The following TP63 variants were observed in gnomAD, a reference collection of about 807,000 sequenced individuals.
The protein encoded by TP63 is tumor protein 63.
In TP63, 17 loss-of-function variants were observed where a neutral mutation model predicts 82.8. The observed-to-expected ratio is 0.21, with a 90% CI of 0.14 to 0.31. TP63 has a LOEUF of 0.31. TP63 is among the 10% of genes least tolerant of loss of function. The pLI, the probability that TP63 is intolerant of heterozygous loss-of-function variation, is 1.00. For synonymous variants in TP63, 330 were observed against 321.7 expected, an observed-to-expected ratio of 1.03 and a Z score of -0.28; for missense variants, 648 against 895.3, an observed-to-expected ratio of 0.72 and a Z score of 3.52.
At chr3:189,624,970 T>C in the TP63 span, among the ~76,000 whole-genome samples, 2 of 152,148 alleles carry the variant, frequency 1.3e-5, no homozygotes, top group Non-Finnish European at 1.5e-5. Flanking sequence ...ACTAAAAGTA[T>C]TCCCTATTCA....
chr3:189,675,981 A>G (rs1039014201), intron 1 of TP63, among the ~76,000 whole-genome samples: 2 of 152,158 alleles, frequency 1.3e-5, no homozygotes, highest in Non-Finnish European at 2.9e-5. Flanking sequence ...GAACCCTTTG[A>G]AAAACCATTA....
intron 9 of TP63, among the ~76,000 whole-genome samples, chr3:189,870,461 G>C (rs1444411003): frequency 6.6e-6 from 1 of 151,988 alleles, no homozygotes; most frequent in Non-Finnish European, 1.5e-5. Flanking sequence ...ATATGCATAG[G>C]TTACGTGCAA....
At chr3:189,830,723 G>A (rs1004548062) in intron 4 of TP63, among the ~76,000 whole-genome samples, 3 of 152,052 alleles carry the variant, frequency 2.0e-5, no homozygotes, top group African/African-American at 7.2e-5. Flanking sequence ...ACAAATAAAG[G>A]CCCATAATTA....
intron 4 of TP63, among the ~76,000 whole-genome samples, chr3:189,841,711 A>G (rs1186929506): frequency 2.0e-5 from 3 of 152,228 alleles, no homozygotes; most frequent in Admixed American, 6.5e-5. Context: ...GTTAGGAATG[A>G]TGCAACCTTC....
chr3:189,657,750 C>T (rs1323810907), intron 1 of TP63, among the ~76,000 whole-genome samples: 2 of 151,936 alleles, frequency 1.3e-5, no homozygotes, highest in Non-Finnish European at 2.9e-5. Context: ...TTATGTTTAC[C>T]TTGTATTAGA....
At chr3:189,696,399 T>A (rs1717382608) in intron 1 of TP63, among the ~76,000 whole-genome samples, 1 of 152,204 alleles carries the variant, frequency 6.6e-6, no homozygotes. Flanking sequence ...CTATTATTGC[T>A]GAAAATATTC....
chr3:189,682,548 AAAAAAATAT>A (rs1241991205), intron 1 of TP63, among the ~76,000 whole-genome samples: 31 of 48,884 alleles, frequency 6.3e-4, no homozygotes, highest in African/African-American at 1.1e-3. Context: ...AAAAAAAAAA[AAAAAAATAT>A]ATATATATAT....
intron 3 of TP63, among the ~76,000 whole-genome samples, chr3:189,761,537 C>G (rs1009903208): frequency 6.6e-6 from 1 of 152,314 alleles, no homozygotes; most frequent in African/African-American, 2.4e-5. Context: ...GTTCATATCA[C>G]TATCAGCATT....
chr3:189,794,430 A>G (rs1725484993), intron 3 of TP63, among the ~76,000 whole-genome samples: 1 of 152,026 alleles, frequency 6.6e-6, no homozygotes, highest in South Asian at 2.1e-4. Flanking sequence ...GTCTATATGC[A>G]TATGTAAGAT....
Position 189,709,384 on chromosome 3 carries a change from C to G in TP63, c.63-28356C>G, listed in dbSNP as rs546546327. ...ACAAACATCAAGGTTATATTTCTGTCTAATCCCTTCATCATTCTGTTGTCC... is the reference window on the plus strand; with the variant it reads ...ACAAACATCAAGGTTATATTTCTGTGTAATCCCTTCATCATTCTGTTGTCC... On this transcript the variant is annotated intron_variant, in intron 1 of 13. Transcript: ENST00000264731. Among the ~76,000 whole-genome samples, 4 of 152,160 alleles carry G rather than the reference C, an allele frequency of 2.6e-5. 1 individual carries two copies. The highest frequency in any genetic ancestry group is 7.2e-5 in the African/African-American group (3 of 41,518).
chr3:189,817,021 A>G (rs1169986503), intron 4 of TP63, among the ~76,000 whole-genome samples: 2 of 150,942 alleles, frequency 1.3e-5, no homozygotes, highest in Admixed American at 6.6e-5. Flanking sequence ...AAAAAACCCT[A>G]CAACTTGCCA....
chr3:189,731,667 C>A (rs1577318663), intron 1 of TP63, among the ~76,000 whole-genome samples: 1 of 152,146 alleles, frequency 6.6e-6, no homozygotes, highest in Admixed American at 6.5e-5. Flanking sequence ...GTTTTCAGTT[C>A]ACTTCTGTAA....
chr3:189,812,063 T>C (rs958196811), intron 4 of TP63, among the ~76,000 whole-genome samples: 1 of 152,234 alleles, frequency 6.6e-6, no homozygotes, highest in Admixed American at 6.5e-5. Context: ...TAGGGGGAGA[T>C]CATGCTTATC....
At chr3:189,750,819 A>G (rs1235295114) in intron 3 of TP63, among the ~76,000 whole-genome samples, 3 of 151,934 alleles carry the variant, frequency 2.0e-5, no homozygotes, top group East Asian at 3.9e-4. Context: ...TATTTTTATT[A>G]TTTTTATTTT....
intron 4 of TP63, among the ~76,000 whole-genome samples, chr3:189,836,440 TA>T (rs1291863832): frequency 6.6e-6 from 1 of 152,200 alleles, no homozygotes; most frequent in East Asian, 1.9e-4. Flanking sequence ...ATAACTCTTA[TA>T]GGGTTGGGCA....
intron 1 of TP63, among the ~76,000 whole-genome samples, chr3:189,704,512 T>C (rs1718057338): frequency 6.6e-6 from 1 of 152,220 alleles, no homozygotes; most frequent in Non-Finnish European, 1.5e-5. Context: ...ATACCTGCTT[T>C]CATTGTACCC....
chr3:189,811,029 CT>C (rs1239383774), intron 4 of TP63, among the ~76,000 whole-genome samples: 18 of 152,162 alleles, frequency 1.2e-4, no homozygotes, highest in African/African-American at 4.3e-4. Context: ...GTAAAATTTC[CT>C]TACATGTGAC....
chr3:189,810,480 G>A (rs926247306), intron 4 of TP63, among the ~76,000 whole-genome samples: 1 of 152,060 alleles, frequency 6.6e-6, no homozygotes, highest in Non-Finnish European at 1.5e-5. Context: ...AAAATTTTTA[G>A]AAAACCATGG....
chr3:189,700,503 T>G (rs1243544870), intron 1 of TP63, among the ~76,000 whole-genome samples: 1 of 152,140 alleles, frequency 6.6e-6, no homozygotes, highest in East Asian at 1.9e-4. Context: ...AGAAGGGAAA[T>G]AAAGTACATG....
Sources: allele counts gnomAD v4.1 joint callset (sites outside exome capture counted in the v4.1 genomes callset), GRCh38; gene constraint gnomAD v4.1.1; transcripts MANE v1.5; gene names NCBI Gene and HGNC (gene_info 2026-07-23, HGNC 2026-07-21).